DNAH7: variants seen among roughly 807,000 people sequenced by gnomAD.
DNAH7 encodes dynein axonemal heavy chain 7.
In DNAH7, 397 loss-of-function variants were observed where a neutral mutation model predicts 444.6. The ratio of observed to expected loss-of-function variants is 0.89; its 90% CI spans 0.82 to 0.97. The LOEUF (loss-of-function observed/expected upper bound fraction) is 0.97, where lower values mean the gene tolerates loss of function less well. Ranked by LOEUF, DNAH7 falls within the 50% of genes least tolerant of loss-of-function variation. DNAH7 has a pLI of 0.00. For missense variants in DNAH7, 4,902 were observed against 4,800.8 expected (o/e 1.02, Z -0.62); for synonymous variants, 1,636 against 1,624.4 (o/e 1.01, Z -0.17).
intron 15 of DNAH7, among the ~76,000 whole-genome samples, chr2:195,975,404 C>T (rs1405198222): frequency 1.3e-5 from 2 of 152,164 alleles, no homozygotes; most frequent in Non-Finnish European, 2.9e-5. Context: ...GGAAATCACC[C>T]ATTCCAGATG....
chr2:196,024,281 G>T, intron 8 of DNAH7, 148 bp downstream of exon 8: 1 of 471,788 alleles, frequency 2.1e-6, no homozygotes, highest in Non-Finnish European at 3.6e-6. Flanking sequence ...AATAAGATGA[G>T]GCATGCCTGT....
At chr2:195,768,775 T>C (rs1160398671) in intron 61 of DNAH7, among the ~76,000 whole-genome samples, 1 of 152,202 alleles carries the variant, frequency 6.6e-6, no homozygotes, top group Non-Finnish European at 1.5e-5. Context: ...TTTTACAATA[T>C]TGAACTTTTA....
chr2:195,784,540 G>A (rs1695521889), intron 58 of DNAH7, among the ~76,000 whole-genome samples: 1 of 152,162 alleles, frequency 6.6e-6, no homozygotes, highest in Non-Finnish European at 1.5e-5. Context: ...TGCCAATTAT[G>A]AATAAAGCTT....
chr2:196,001,396 G>A (rs918020147), intron 11 of DNAH7, among the ~76,000 whole-genome samples: 8 of 149,208 alleles, frequency 5.4e-5, no homozygotes, highest in East Asian at 2.0e-4. Context: ...ACAGGGTCTC[G>A]CTCTGTTGTC....
chr2:195,980,676 T>G (rs551912627), intron 15 of DNAH7, among the ~76,000 whole-genome samples: 1 of 152,310 alleles, frequency 6.6e-6, no homozygotes, highest in East Asian at 1.9e-4. Context: ...AGGTGGGATT[T>G]ATCCCAGGGA....
intron 12 of DNAH7, among the ~76,000 whole-genome samples, chr2:195,993,597 A>C (rs1693492824): frequency 6.6e-6 from 1 of 152,200 alleles, no homozygotes; most frequent in Admixed American, 6.5e-5. Context: ...AACTGCAACA[A>C]GTATATTTGA....
rs149065769 is a variant in DNAH7 at position 195,864,259 on chromosome 2, G to A, written c.7396C>T (p.Arg2466Cys). The stretch of plus-strand genomic sequence containing the variant: ...GCAAGGACCACATGCAGTTGGCTGC[G>A]GCAATGATCAATAAACATGTTGAAA... ...ALFNMFIDHC[R>C]SQLHVVLAMS... is the part of the protein sequence containing the mutation. The change falls in exon 41 of 65, where the codon CGC becomes TGC. Residue 2466 changes from arginine (R) to cysteine (C), a missense_variant. Transcript: ENST00000312428. 2.6e-4 allele frequency: 416 copies of A among 1,614,150 alleles called. 1 individual carries two copies. The highest frequency in any genetic ancestry group is 2.4e-3 in the African/African-American group (183 of 75,038).
intron 61 of DNAH7, among the ~76,000 whole-genome samples, chr2:195,758,766 A>G (rs762966578): frequency 6.6e-6 from 1 of 152,166 alleles, no homozygotes; most frequent in Non-Finnish European, 1.5e-5. Flanking sequence ...ACTGTACTGG[A>G]ACTCAGTGCT....
intron 5 of DNAH7, among the ~76,000 whole-genome samples, chr2:196,040,408 A>C (rs1696665112): frequency 6.6e-6 from 1 of 152,208 alleles, no homozygotes; most frequent in South Asian, 2.1e-4. Flanking sequence ...CTAGGAATGC[A>C]AGGATGGTTC....
In DNAH7 at chr2:195,964,710, C is replaced by CAAA. The variant is rs60376875; in HGVS notation, c.2206-3768_2206-3766dup. Among the ~76,000 whole-genome samples the CAAA allele has an allele frequency of 4.2e-4, 54 of 127,424 alleles. No homozygotes were observed. The East Asian group carries it at 4.4e-3, about 10-fold the overall frequency. The allele number at this position is 127,424 out of a possible 152,430, so 83.6% of individuals were successfully genotyped here. ...TAACACCCCATCTCTACTAAAAATACAAAAAAAAAAAAAAAATTAGCCAGG... is the reference window on the plus strand; with the variant it reads ...TAACACCCCATCTCTACTAAAAATACAAAAAAAAAAAAAAAAAAATTAGCCAGG... On this transcript the variant is annotated intron_variant, in intron 17 of 64. Coordinates refer to ENST00000312428, the MANE Select transcript of DNAH7 (RefSeq NM_018897.3).
At chr2:195,816,994 AAAG>A (rs769708088) in intron 50 of DNAH7, 31 bp from the exon 51 acceptor site, 26 of 1,489,502 alleles carry the variant, frequency 1.7e-5, no homozygotes, top group Non-Finnish European at 2.3e-5. Context: ...CTTAGAAGAA[AAAG>A]AAGTCATTTA....
Position 195,932,125 on chromosome 2 carries a change from AAG to A in DNAH7, c.3471+2464_3471+2465del, listed in dbSNP as rs556438407. Among the ~76,000 whole-genome samples, 217 of 152,200 alleles carry A rather than the reference AAG, an allele frequency of 1.4e-3. 1 individual carries two copies. The highest frequency in any genetic ancestry group is 4.8e-3 in the African/African-American group (198 of 41,510). On this transcript the variant is annotated intron_variant, in intron 21 of 64. Coordinates refer to ENST00000312428, the MANE Select transcript of DNAH7 (RefSeq NM_018897.3). ...GAGCAGTGGTTTGTAGTTCTCCTTG[AAG>A]AGGTCCTTCACATCCCTTCTAAGTT...
At chr2:195,834,782 C>A (rs1285186094) in intron 47 of DNAH7, among the ~76,000 whole-genome samples, 1 of 152,134 alleles carries the variant, frequency 6.6e-6, no homozygotes, top group East Asian at 1.9e-4. Flanking sequence ...TAGTTCCCAC[C>A]TGCTGTCATT....
intron 48 of DNAH7, among the ~76,000 whole-genome samples, chr2:195,827,835 C>A (rs563891863): frequency 6.1e-4 from 93 of 152,096 alleles, no homozygotes; most frequent in Non-Finnish European, 1.1e-3. Flanking sequence ...CCTCAGACTC[C>A]CAAAGTGCTA....
rs566592357 is a variant in DNAH7, at chr2:195,782,611, T to G, written c.10878+4399A>C. Among the ~76,000 whole-genome samples, 168 of 152,288 alleles carry G rather than the reference T, an allele frequency of 1.1e-3. 2 individuals carry two copies. Among genetic ancestry groups the G allele is most frequent in the African/African-American group, 3.9e-3 (160 of 41,548 alleles). ...AGCCATTTTTTTCCAAAAAAAATCG[T>G]ATTATTTCTGCGAAGTCCTGAAAGT... On this transcript the variant is annotated intron_variant, in intron 58 of 64. Coordinates refer to ENST00000312428, the MANE Select transcript of DNAH7 (RefSeq NM_018897.3).
chr2:195,830,874 T>C (rs532939204), intron 48 of DNAH7, among the ~76,000 whole-genome samples: 3 of 152,366 alleles, frequency 2.0e-5, no homozygotes, highest in Non-Finnish European at 4.4e-5. Context: ...GAGTCTGTCT[T>C]ATTCATGTTG....
At chr2:195,771,478 T>A (rs1011915340) in intron 61 of DNAH7, among the ~76,000 whole-genome samples, 182 bp downstream of exon 61, 4 of 152,180 alleles carry the variant, frequency 2.6e-5, no homozygotes, top group African/African-American at 9.7e-5. Flanking sequence ...ATTTCCCTGT[T>A]TATTAACTCT....
At chr2:195,917,346 T>C (rs1687751926) in intron 24 of DNAH7, among the ~76,000 whole-genome samples, 1 of 152,078 alleles carries the variant, frequency 6.6e-6, no homozygotes, top group South Asian at 2.1e-4. Context: ...CAAGTGAGCA[T>C]GGGTACAACT....
chr2:195,803,990 A>G (rs1696592616), intron 54 of DNAH7, among the ~76,000 whole-genome samples: 1 of 151,910 alleles, frequency 6.6e-6, no homozygotes, highest in Non-Finnish European at 1.5e-5. Context: ...TTCAAACTGG[A>G]GCGTTAGAGG....
Sources: allele counts gnomAD v4.1 joint callset (sites outside exome capture counted in the v4.1 genomes callset), GRCh38; gene constraint gnomAD v4.1.1; transcripts MANE v1.5; gene names NCBI Gene and HGNC (gene_info 2026-07-23, HGNC 2026-07-21).